Variants in MDGA2 observed in about 807,000 individuals in gnomAD.
The protein encoded by MDGA2 is MAM domain containing glycosylphosphatidylinositol anchor 2.
MDGA2 carries 40 observed loss-of-function variants against 117.8 expected under a neutral mutation model. That is an observed-to-expected ratio of 0.34 (90% CI 0.26 to 0.44). MDGA2 has a LOEUF of 0.44. MDGA2 is among the 20% of genes least tolerant of loss of function. MDGA2 has a pLI of 1.00. For missense variants in MDGA2, 1,123 were observed against 1,250.6 expected, an observed-to-expected ratio of 0.90 and a Z score of 1.54; for synonymous variants, 452 against 439.0, an observed-to-expected ratio of 1.03 and a Z score of -0.37.
At chr14:46,858,905 C>A (rs1277701702) in intron 14 of MDGA2, among the ~76,000 whole-genome samples, 1 of 152,088 alleles carries the variant, frequency 6.6e-6, no homozygotes, top group Non-Finnish European at 1.5e-5. Context: ...AGAGACTCTT[C>A]AGCTGTAATC....
intron 3 of MDGA2, among the ~76,000 whole-genome samples, chr14:47,214,883 A>T (rs75867117): frequency 3.2e-4 from 49 of 152,270 alleles, no homozygotes; most frequent in African/African-American, 1.0e-3. Context: ...ATTATGTGTT[A>T]TTATACATCA....
chr14:47,439,253 A>G (rs1393169721), intron 1 of MDGA2, among the ~76,000 whole-genome samples: 2 of 152,154 alleles, frequency 1.3e-5, no homozygotes, highest in Non-Finnish European at 2.9e-5. Flanking sequence ...AAGTCAAATA[A>G]GGAAATGAAC....
At chr14:47,381,864 T>C (rs1226035787) in intron 1 of MDGA2, among the ~76,000 whole-genome samples, 1 of 152,100 alleles carries the variant, frequency 6.6e-6, no homozygotes, top group Non-Finnish European at 1.5e-5. Context: ...AAAACTACTT[T>C]AAAATTCATA....
chr14:47,365,907 A>T (rs1891221345), intron 1 of MDGA2, among the ~76,000 whole-genome samples: 1 of 152,170 alleles, frequency 6.6e-6, no homozygotes, highest in Non-Finnish European at 1.5e-5. Flanking sequence ...TCATACATCA[A>T]TACTTCTAAC....
chr14:47,465,289 A>G (rs1893578074), intron 1 of MDGA2, among the ~76,000 whole-genome samples: 1 of 152,192 alleles, frequency 6.6e-6, no homozygotes, highest in South Asian at 2.1e-4. Flanking sequence ...TTTCATGACA[A>G]AGATACCAAA....
intron 8 of MDGA2, among the ~76,000 whole-genome samples, chr14:47,026,069 C>T (rs1888463559): frequency 6.6e-6 from 1 of 152,044 alleles, no homozygotes; most frequent in Non-Finnish European, 1.5e-5. Context: ...CATAATATAA[C>T]CCAACGTAAT....
At chr14:46,977,063 T>C (rs1192716359) in intron 8 of MDGA2, among the ~76,000 whole-genome samples, 1 of 151,948 alleles carries the variant, frequency 6.6e-6, no homozygotes, top group Admixed American at 6.6e-5. Context: ...CAATTCTTTA[T>C]TATTTACAGT....
intron 1 of MDGA2, among the ~76,000 whole-genome samples, chr14:47,358,945 T>G (rs1434001394): frequency 1.3e-5 from 2 of 152,174 alleles, no homozygotes; most frequent in Non-Finnish European, 2.9e-5. Flanking sequence ...CATTTTTCAC[T>G]TAAACAAACA....
intron 2 of MDGA2, among the ~76,000 whole-genome samples, chr14:47,268,837 A>G (rs544725773): frequency 1.2e-4 from 19 of 152,334 alleles, no homozygotes; most frequent in African/African-American, 4.3e-4. Flanking sequence ...AATTATTGGC[A>G]ATGTTAATGG....
chr14:47,426,439 T>A (rs1245804193), intron 1 of MDGA2, among the ~76,000 whole-genome samples: 1 of 151,946 alleles, frequency 6.6e-6, no homozygotes, highest in Non-Finnish European at 1.5e-5. Context: ...ACGTTCTTAC[T>A]TTTTTGACAC....
At chr14:47,253,263 C>G (rs1389918849) in intron 2 of MDGA2, among the ~76,000 whole-genome samples, 1 of 152,120 alleles carries the variant, frequency 6.6e-6, no homozygotes, top group Non-Finnish European at 1.5e-5. Context: ...TTAGCTCATT[C>G]CAGCATTAAC....
At chr14:47,629,864 A>G (rs1897221081) in intron 1 of MDGA2, among the ~76,000 whole-genome samples, 1 of 152,136 alleles carries the variant, frequency 6.6e-6, no homozygotes, top group South Asian at 2.1e-4. Context: ...TGTGAACACA[A>G]ATCACCCAAA....
intron 2 of MDGA2, among the ~76,000 whole-genome samples, chr14:47,248,921 C>G (rs556252170): frequency 6.6e-6 from 1 of 151,616 alleles, no homozygotes; most frequent in South Asian, 2.1e-4. Flanking sequence ...TGTTTCCCTT[C>G]CTTCCTTCCT....
At chr14:47,609,448 T>TATATATATATATATATATATATATAC in intron 1 of MDGA2, among the ~76,000 whole-genome samples, 1 of 98,560 alleles carries the variant, frequency 1.0e-5, no homozygotes, top group Non-Finnish European at 2.0e-5. Flanking sequence ...TATATATATA[T>TATATATATATATATATATATATATAC]ATATATATAT....
chr14:47,293,643 T>C (rs1221331982), intron 2 of MDGA2, among the ~76,000 whole-genome samples: 1 of 152,354 alleles, frequency 6.6e-6, no homozygotes, highest in East Asian at 1.9e-4. Context: ...GCATTTATGT[T>C]GTGCTTGGCA....
chr14:47,163,976 C>T (rs532087563), intron 3 of MDGA2, among the ~76,000 whole-genome samples: 2 of 152,310 alleles, frequency 1.3e-5, no homozygotes, highest in East Asian at 3.9e-4. Flanking sequence ...GAGGGCTGTG[C>T]TTCTCCATGT....
chr14:47,260,807 C>T (rs141379833), intron 2 of MDGA2, among the ~76,000 whole-genome samples: 76 of 152,074 alleles, frequency 5.0e-4, no homozygotes, highest in African/African-American at 1.7e-3. Flanking sequence ...TTTCAGGATA[C>T]CTTTGTAATA....
At chr14:47,038,142 G>T (rs1454550939) in intron 7 of MDGA2, among the ~76,000 whole-genome samples, 1 of 152,110 alleles carries the variant, frequency 6.6e-6, no homozygotes, top group African/African-American at 2.4e-5. Context: ...ATGTTGACCA[G>T]GCTGGTCTCA....
intron 5 of MDGA2, among the ~76,000 whole-genome samples, chr14:47,126,080 TAA>T (rs1246014855): frequency 2.6e-5 from 4 of 152,086 alleles, no homozygotes; most frequent in Admixed American, 6.6e-5. Flanking sequence ...TATTACCATC[TAA>T]ACTTATAAAT....
Sources: allele counts gnomAD v4.1 joint callset (sites outside exome capture counted in the v4.1 genomes callset), GRCh38; gene constraint gnomAD v4.1.1; transcripts MANE v1.5; gene names NCBI Gene and HGNC (gene_info 2026-07-23, HGNC 2026-07-21).